Variants in FAM53B observed in about 807,000 individuals in gnomAD.
The protein encoded by FAM53B is family with sequence similarity 53 member B, also known as protein FAM53B.
In FAM53B, 12 loss-of-function variants were observed where a neutral mutation model predicts 32.7. The observed-to-expected ratio is 0.37, with a 90% CI of 0.24 to 0.59. The LOEUF (loss-of-function observed/expected upper bound fraction) is 0.59. FAM53B is among the 20% of genes least tolerant of loss of function. FAM53B has a pLI of 0.72. For missense variants in FAM53B, 477 were observed against 577.7 expected (o/e 0.83, Z 1.79); for synonymous variants, 234 against 228.7 (o/e 1.02, Z -0.21).
intron 3 of FAM53B, among the ~76,000 whole-genome samples, chr10:124,684,135 G>A (rs1273037328): frequency 6.6e-6 from 1 of 152,246 alleles, no homozygotes; most frequent in Non-Finnish European, 1.5e-5. Flanking sequence ...GGGGACACTG[G>A]TAGAACTGTC....
intron 3 of FAM53B, among the ~76,000 whole-genome samples, chr10:124,688,522 C>T (rs1400113683): frequency 5.9e-5 from 9 of 152,222 alleles, no homozygotes; most frequent in African/African-American, 2.2e-4. Flanking sequence ...CTCTCACAGT[C>T]TTGGACAGAC....
intron 4 of FAM53B, among the ~76,000 whole-genome samples, chr10:124,679,230 G>A (rs959953402): frequency 6.6e-6 from 1 of 152,174 alleles, no homozygotes. Context: ...CCATGGGCAT[G>A]CAGAGCAGAC....
intron 1 of FAM53B, among the ~76,000 whole-genome samples, chr10:124,726,518 G>T (rs1950104691): frequency 6.6e-6 from 1 of 152,238 alleles, no homozygotes; most frequent in South Asian, 2.1e-4. Flanking sequence ...CAAAGGAAAG[G>T]CATGGGAAGG....
intron 4 of FAM53B, among the ~76,000 whole-genome samples, chr10:124,656,733 T>A (rs1300413234): frequency 6.6e-6 from 1 of 152,174 alleles, no homozygotes; most frequent in East Asian, 1.9e-4. Context: ...ATAGCATTAT[T>A]ACAAACTAAG....
chr10:124,647,617 G>T (rs1397299321), intron 4 of FAM53B, among the ~76,000 whole-genome samples: 1 of 152,198 alleles, frequency 6.6e-6, no homozygotes, highest in East Asian at 1.9e-4. Context: ...AGGGAGGCAG[G>T]TATGTGTCCA....
At chr10:124,661,926 G>A (rs1032585399) in intron 4 of FAM53B, among the ~76,000 whole-genome samples, 5 of 152,228 alleles carry the variant, frequency 3.3e-5, no homozygotes, top group Non-Finnish European at 7.3e-5. Context: ...GATCCCTGCT[G>A]CCATCCCAGG....
At chr10:124,715,028 C>T (rs186330240) in intron 1 of FAM53B, among the ~76,000 whole-genome samples, 28 of 152,204 alleles carry the variant, frequency 1.8e-4, no homozygotes, top group African/African-American at 6.0e-4. Context: ...ATCTACAGAA[C>T]TCCAAAGTCT....
intron 3 of FAM53B, among the ~76,000 whole-genome samples, chr10:124,690,118 G>A (rs868562520): frequency 2.0e-5 from 3 of 152,246 alleles, no homozygotes; most frequent in Admixed American, 6.5e-5. Flanking sequence ...AGCAAAGCGG[G>A]GCGCCATTAA....
chr10:124,742,381 T>C (rs970234381), intron 1 of FAM53B: 2 of 152,152 alleles, frequency 1.3e-5, no homozygotes, highest in African/African-American at 4.8e-5. Context: ...AATAGATAAA[T>C]TAAAATGAAA....
chr10:124,731,660 C>T (rs1040986164), intron 1 of FAM53B, among the ~76,000 whole-genome samples: 6 of 151,846 alleles, frequency 4.0e-5, no homozygotes, highest in African/African-American at 1.5e-4. Context: ...ATCCCACCAC[C>T]TACTGGTGGG....
intron 1 of FAM53B, among the ~76,000 whole-genome samples, chr10:124,736,968 G>C (rs11245346): frequency 0.17 from 26,290 of 152,262 alleles, 2,457 homozygotes; most frequent in East Asian, 0.23. Flanking sequence ...GGGTGTGGTA[G>C]AAAGAATACA....
intron 4 of FAM53B, among the ~76,000 whole-genome samples, chr10:124,675,820 C>T (rs1949733088): frequency 6.6e-6 from 1 of 152,246 alleles, no homozygotes; most frequent in African/African-American, 2.4e-5. Context: ...GGTGCCTCAC[C>T]ATGTGACTTT....
At position 124,681,665 on chromosome 10, in the gene FAM53B, C is replaced by T. The variant is rs1339164881; in HGVS notation, c.848G>A (p.Arg283Gln). The T allele has an allele frequency of 5.0e-6, 8 of 1,612,418 alleles. No individual in the cohort carries two copies. The highest frequency in any genetic ancestry group is 6.8e-6 in the Non-Finnish European group (8 of 1,179,292). Reference sequence around the variant, plus strand: ...CTGCTCTTGCACTTCTTCAGGGCGCCGCCTTTTAACACCGACCTTCTTGTC... The same window carrying T: ...CTGCTCTTGCACTTCTTCAGGGCGCTGCCTTTTAACACCGACCTTCTTGTC... ...LNDKKVGVKR[R>Q]RPEEVQEQRP... The change falls in exon 4 of 5, where the codon CGG (arginine) becomes CAG (glutamine). Residue 283 changes from arginine to glutamine, a missense_variant. This residue lies in a region of FAM53B where 312 missense variants were observed against 420.2 expected (regional missense o/e 0.74). Transcript: ENST00000337318.
Position 124,697,459 on chromosome 10 carries a change from T to C in FAM53B, c.79-1247A>G, listed in dbSNP as rs575015402. On this transcript the variant is annotated intron_variant, in intron 2 of 4. Transcript: ENST00000337318. ...TCCAGGTAAGAAGGCGGCAAGCACC[T>C]GGCACCAGCTCCCTCACTTCATCCC... 2.4e-3 allele frequency among the ~76,000 whole-genome samples: 369 copies of C among 152,176 alleles called. 3 individuals carry two copies. The highest frequency in any genetic ancestry group is 4.4e-3 in the South Asian group (21 of 4,824).
intron 4 of FAM53B, among the ~76,000 whole-genome samples, chr10:124,646,494 C>A (rs1264996172): frequency 6.6e-6 from 1 of 152,226 alleles, no homozygotes; most frequent in African/African-American, 2.4e-5. Flanking sequence ...AAGGCCCTCC[C>A]ATTGCTGTGC....
At chr10:124,739,810 T>A (rs1010915177) in intron 1 of FAM53B, among the ~76,000 whole-genome samples, 3 of 152,140 alleles carry the variant, frequency 2.0e-5, no homozygotes, top group Non-Finnish European at 4.4e-5. Flanking sequence ...CCTGACGTGA[T>A]GTGAAATTCT....
At chr10:124,661,563 C>T (rs536466655) in intron 4 of FAM53B, among the ~76,000 whole-genome samples, 1 of 152,328 alleles carries the variant, frequency 6.6e-6, no homozygotes, top group East Asian at 1.9e-4. Flanking sequence ...ATCTTACAGC[C>T]ACTGTCCCGC....
At chr10:124,626,397 C>G (rs3781474) in intron 4 of FAM53B, among the ~76,000 whole-genome samples, 4,389 of 146,372 alleles carry the variant, frequency 0.03, 216 homozygotes, top group African/African-American at 0.063. Flanking sequence ...TGCCCCCCCC[C>G]CCCCCACCAT....
Position 124,671,268 on chromosome 10 carries a change from G to A in FAM53B, c.906+10339C>T, listed in dbSNP as rs369460035. 1.6e-3 allele frequency: 701 copies of A among 440,348 alleles called. 11 individuals are homozygous for A. The highest frequency in any genetic ancestry group is 9.8e-3 in the South Asian group (629 of 64,168). 27.3% of individuals were successfully genotyped at this position (440,348 alleles called of 1,614,324 possible). A position where few individuals can be genotyped will look rare whatever the true frequency, so the allele number is the denominator to read the frequency against. The stretch of plus-strand genomic sequence containing the variant: ...CTTTCTGCGGGACCAGCTAGCCGGC[G>A]CCCCTGCCTCTCAGGTCTTGCCCCA... On this transcript the variant is annotated intron_variant, in intron 4 of 4. Transcript: ENST00000337318.
Sources: allele counts gnomAD v4.1 joint callset (sites outside exome capture counted in the v4.1 genomes callset), GRCh38; gene constraint gnomAD v4.1.1; regional missense constraint gnomAD v4.1.1; transcripts MANE v1.5; gene names NCBI Gene and HGNC (gene_info 2026-07-23, HGNC 2026-07-21).